ZC3H3: variants seen among roughly 807,000 people sequenced by gnomAD.
ZC3H3 encodes zinc finger CCCH domain-containing protein 3.
In ZC3H3, 36 loss-of-function variants were observed where a neutral mutation model predicts 77.3. The observed-to-expected ratio is 0.47, with a 90% confidence interval of 0.36 to 0.61. ZC3H3 has a LOEUF of 0.61. ZC3H3 is among the 20% of genes least tolerant of loss of function. The probability of loss-of-function intolerance (pLI) is 0.00; values close to 1 mark genes in which losing one functional copy is unlikely to be tolerated. For synonymous variants in ZC3H3, 626 were observed against 555.2 expected, an observed-to-expected ratio of 1.13 and a Z score of -1.79; for missense variants, 1,331 against 1,312.2, an observed-to-expected ratio of 1.01 and a Z score of -0.22.
rs1563871005 is a variant in ZC3H3 at position 143,512,930 on chromosome 8, C to A, written c.1562-5031G>T. On this transcript the variant is annotated intron_variant, in intron 3 of 11. Coordinates refer to ENST00000262577, the MANE Select transcript of ZC3H3 (RefSeq NM_015117.3). ...GAAGTGCCCCTCCAGGAGAGCCGAG[C>A]CTGCCTGGAAGGAGCAGAGCCTGGG... 2.0e-5 allele frequency among the ~76,000 whole-genome samples: 3 copies of A among 152,208 alleles called. No homozygotes were observed. In the South Asian group the frequency reaches 6.2e-4, roughly 31 times the overall value.
At chr8:143,510,868 G>A (rs982511839) in intron 3 of ZC3H3, among the ~76,000 whole-genome samples, 11 of 152,144 alleles carry the variant, frequency 7.2e-5, no homozygotes, top group African/African-American at 2.2e-4. Flanking sequence ...GGCACACTCC[G>A]CGCACATCAA....
chr8:143,466,403 G>A (rs574739307), intron 8 of ZC3H3, among the ~76,000 whole-genome samples: 1 of 152,248 alleles, frequency 6.6e-6, no homozygotes, highest in African/African-American at 2.4e-5. Context: ...GGCCAGCACC[G>A]TGGAGGCCAA....
In ZC3H3 at chr8:143,440,169, GC is replaced by G; in HGVS notation, c.2686del (p.Ala896LeufsTer3). 6.2e-7 allele frequency: 1 copy of G among 1,612,028 alleles called. No individual in the cohort carries two copies. Among genetic ancestry groups the G allele is most frequent in the South Asian group, 1.1e-5 (1 of 90,780 alleles). The stretch of plus-strand genomic sequence containing the variant: ...GTTGGAGCACGCTGCTGCTAAGGCA[GC>G]CTCCTGGAGAGATGGTGCCTCGTGG... ...LDHEAPSLQEAALAAACSNRL... is the reference protein window; with the variant it reads ...LDHEAPSLQEXALAAACSNRL... On this transcript the variant is annotated frameshift_variant, in exon 11 of 12. Coordinates refer to ENST00000262577, the MANE Select transcript of ZC3H3 (RefSeq NM_015117.3). LOFTEE classifies it high-confidence loss of function.
rs1821258906 is a variant in ZC3H3 at position 143,493,347 on chromosome 8, CCCTCAGGGACAT to C, written c.1715+14387_1715+14398del. 2.0e-5 allele frequency among the ~76,000 whole-genome samples: 3 copies of C among 152,228 alleles called. No homozygotes were observed. The highest frequency in any genetic ancestry group is 7.2e-5 in the African/African-American group (3 of 41,458). ...AAAAGTCCCAGAGGATCAGCGGTGT[CCCTCAGGGACAT>C]CCCAGCCTCGGTGTGGATGCGGGCT... On this transcript the variant is annotated intron_variant, in intron 4 of 11. Coordinates refer to ENST00000262577, the MANE Select transcript of ZC3H3 (RefSeq NM_015117.3). This position sits in a 1 kb window ranked among gnomAD's most constrained non-coding sequence, Gnocchi z 4.8.
At position 143,460,259 on chromosome 8, in the gene ZC3H3, A is replaced by AATAT. The variant is rs1399360936; in HGVS notation, c.2307+5457_2307+5458insATAT. ...TGAGACTATGTCTCAAAAATAAATAAATAAATAAATAAATAAATAAATAAA... is the reference window on the plus strand; with the variant it reads ...TGAGACTATGTCTCAAAAATAAATAAATATATAAATAAATAAATAAATAAATAAA... On this transcript the variant is annotated intron_variant, in intron 9 of 11. Coordinates refer to ENST00000262577, the MANE Select transcript of ZC3H3 (RefSeq NM_015117.3). The surrounding 1 kb of genome is among the most constrained non-coding windows in gnomAD (Gnocchi z 4.0). Among the ~76,000 whole-genome samples the AATAT allele has an allele frequency of 6.7e-6, 1 of 148,824 alleles. No individual in the cohort carries two copies. The highest frequency in any genetic ancestry group is 1.5e-5 in the Non-Finnish European group (1 of 66,822).
rs1413761600 is a variant in ZC3H3, at chr8:143,538,292, G to A, written c.1075C>T (p.Pro359Ser). The A allele has an allele frequency of 1.9e-6, 3 of 1,612,984 alleles. No individual in the cohort carries two copies. Among genetic ancestry groups the A allele is most frequent in the Admixed American group, 1.7e-5 (1 of 60,034 alleles). ...GACGTGGCTGGCTTCCTGGGCTTGG[G>A]CTCTGGGTCAGCTATGAGCTGCGGC... ...EKPQLIADPE[P>S]KPRKPATSSK... Residue 359 changes from proline (P) to serine (S), a missense_variant, in exon 2 of 12, where the codon CCC becomes TCC. Physicochemically the swap from Pro to Ser is moderately conservative, Grantham distance 74. Transcript: ENST00000262577.
intron 4 of ZC3H3, among the ~76,000 whole-genome samples, chr8:143,503,146 G>C (rs1239102573): frequency 1.3e-5 from 2 of 152,198 alleles, no homozygotes; most frequent in Non-Finnish European, 2.9e-5. Context: ...CCCGTCAGCT[G>C]TTGCCCCGCC....
At position 143,475,431 on chromosome 8, in the gene ZC3H3, T is replaced by C. The variant is rs1475377709; in HGVS notation, c.1870A>G (p.Ser624Gly). The change falls in exon 5 of 12, where the codon AGT (serine) becomes GGT (glycine). Residue 624 changes from serine (S) to glycine (G), a missense_variant. By Grantham distance (56) the Ser-to-Gly change is moderately conservative. Transcript: ENST00000262577. ...NKLSKTSGQP[S>G]DAGSRPLLRT... ...AGGAGGGGCCTGCTGCCCGCATCAC[T>C]GGGCTGGCCGGAGGTCTTGGAGAGC... The C allele has an allele frequency of 3.1e-6, 5 of 1,612,978 alleles. No homozygotes were observed. In the South Asian group the frequency reaches 4.4e-5, roughly 14 times the overall value.
chr8:143,477,197 CAG>C (rs1476450906), intron 4 of ZC3H3, among the ~76,000 whole-genome samples: 2 of 152,220 alleles, frequency 1.3e-5, no homozygotes, highest in Non-Finnish European at 2.9e-5. Flanking sequence ...AGAATGGGAG[CAG>C]AGAGAGCCCG....
chr8:143,482,668 G>C (rs754172535), intron 4 of ZC3H3, among the ~76,000 whole-genome samples: 2 of 152,176 alleles, frequency 1.3e-5, no homozygotes, highest in Non-Finnish European at 2.9e-5. Context: ...GAGCAGCGGG[G>C]CTCAAGGAGG....
intron 4 of ZC3H3, among the ~76,000 whole-genome samples, chr8:143,495,767 T>G (rs1055147115): frequency 5.3e-5 from 8 of 150,614 alleles, no homozygotes; most frequent in Non-Finnish European, 1.2e-4. Flanking sequence ...TCTTTCTTTT[T>G]TTTTTTTTTT....
intron 1 of ZC3H3, 142 bp downstream of exon 1, chr8:143,541,234 T>C (rs928931662): frequency 2.0e-6 from 3 of 1,479,050 alleles, no homozygotes; most frequent in South Asian, 2.6e-5. Context: ...CCACAAGTCC[T>C]GGCGGACCCT....
intron 3 of ZC3H3, among the ~76,000 whole-genome samples, chr8:143,526,884 G>C (rs990829433): frequency 1.3e-5 from 2 of 152,202 alleles, no homozygotes; most frequent in African/African-American, 4.8e-5. Context: ...CCATTACTTT[G>C]GTGGGAGAAC....
At chr8:143,447,926 C>T (rs750867244) in intron 9 of ZC3H3, among the ~76,000 whole-genome samples, 12 of 152,002 alleles carry the variant, frequency 7.9e-5, no homozygotes, top group African/African-American at 1.7e-4. Context: ...GTCAGGAGTT[C>T]GAGACCAGTC....
chr8:143,452,418 C>T (rs1353702488), intron 9 of ZC3H3, among the ~76,000 whole-genome samples: 1 of 152,208 alleles, frequency 6.6e-6, no homozygotes. Context: ...GCAGCCCCTC[C>T]ACCCAACAGC....
In ZC3H3 at chr8:143,440,418, G is replaced by C. The variant is rs1018750612; in HGVS notation, c.2493-55C>G. 1.1e-5 allele frequency: 17 copies of C among 1,486,276 alleles called. No homozygotes were observed. In the Admixed American group the frequency reaches 2.4e-4, roughly 21 times the overall value. 92.1% of individuals were successfully genotyped at this position (1,486,276 alleles called of 1,614,324 possible). ...GGTGGGGTGACGGGTGGGGATCCCA[G>C]CGACAGACTGCCCATGCTCTTGGCT... On this transcript the variant is annotated intron_variant, in intron 10 of 11. Coordinates refer to ENST00000262577, the MANE Select transcript of ZC3H3 (RefSeq NM_015117.3).
chr8:143,533,943 T>G lies in ZC3H3; in HGVS notation c.1561+2314A>C, dbSNP rs1337824467. Among the ~76,000 whole-genome samples, 4 of 151,824 alleles carry G rather than the reference T, an allele frequency of 2.6e-5. No homozygotes were observed. The highest frequency in any genetic ancestry group is 4.8e-5 in the African/African-American group (2 of 41,386). On this transcript the variant is annotated intron_variant, in intron 3 of 11. Transcript: ENST00000262577. The surrounding 1 kb of genome is among the most constrained non-coding windows in gnomAD (Gnocchi z 4.0). ...CACCCGCCTCGGCCTCCCAGTGTGC[T>G]GGGATTACAGGCATGAGCCACCACG...
chr8:143,469,046 G>C (rs1027079681), intron 5 of ZC3H3, among the ~76,000 whole-genome samples: 3 of 152,236 alleles, frequency 2.0e-5, no homozygotes, highest in Non-Finnish European at 4.4e-5. Context: ...CCAGGGCCAC[G>C]CTTTGCTGGC....
rs34018737 is a variant in ZC3H3, at chr8:143,500,818, A to ATTT, written c.1715+6925_1715+6927dup. The stretch of plus-strand genomic sequence containing the variant: ...CCCACACCGTCACGTCACAATGTCT[A>ATTT]TTTTTTTTTTTTTTTGAGACTATCT... On this transcript the variant is annotated intron_variant, in intron 4 of 11. Coordinates refer to ENST00000262577, the MANE Select transcript of ZC3H3 (RefSeq NM_015117.3). 5.5e-4 allele frequency among the ~76,000 whole-genome samples: 77 copies of ATTT among 141,108 alleles called. 2 individuals carry two copies. Among genetic ancestry groups the ATTT allele is most frequent in the South Asian group, 1.8e-3 (8 of 4,388 alleles). The allele number at this position is 141,108 out of a possible 152,430, so 92.6% of individuals were successfully genotyped here.
Sources: gnomAD v4.1 joint callset for allele counts (sites outside exome capture counted in the v4.1 genomes callset) on GRCh38, gnomAD v4.1.1 for gene constraint, Gnocchi (gnomAD v3.1) non-coding constraint, MANE v1.5 for transcripts, NCBI Gene and HGNC (gene_info 2026-07-23, HGNC 2026-07-21) for gene names.